Variants in CCDC73 observed in about 807,000 individuals in gnomAD.
CCDC73 encodes the protein coiled-coil domain containing 73, also known as coiled-coil domain-containing protein 73.
In CCDC73, 95 loss-of-function variants were observed where a neutral mutation model predicts 116.5. The observed-to-expected ratio is 0.82, with a 90% CI of 0.69 to 0.97. The LOEUF (loss-of-function observed/expected upper bound fraction) is 0.97, where lower values mean the gene tolerates loss of function less well. CCDC73 is among the 50% of genes least tolerant of loss of function. The pLI is 0.00. For synonymous variants in CCDC73, 398 were observed against 401.3 expected, an observed-to-expected ratio of 0.99 and a Z score of 0.10; for missense variants, 1,066 against 1,206.8, an observed-to-expected ratio of 0.88 and a Z score of 1.73.
intron 1 of CCDC73, among the ~76,000 whole-genome samples, chr11:32,766,799 C>T (rs558368206): frequency 1.6e-4 from 25 of 152,250 alleles, no homozygotes; most frequent in Admixed American, 1.1e-3. Flanking sequence ...AACTACAAAC[C>T]ACTGCTCAAT....
intron 14 of CCDC73, among the ~76,000 whole-genome samples, chr11:32,625,258 T>G (rs1268298449): frequency 6.6e-6 from 1 of 152,224 alleles, no homozygotes; most frequent in Non-Finnish European, 1.5e-5. Context: ...GTCTTTTAAT[T>G]GGAGTATTTA....
At chr11:32,659,594 T>C (rs1262656817) in intron 9 of CCDC73, among the ~76,000 whole-genome samples, 12 of 152,328 alleles carry the variant, frequency 7.9e-5, no homozygotes, top group Middle Eastern at 3.4e-3. Context: ...AATCATTTTA[T>C]GTTTTAAACA....
intron 3 of CCDC73, among the ~76,000 whole-genome samples, chr11:32,716,834 A>T (rs1849950548): frequency 6.6e-6 from 1 of 152,254 alleles, no homozygotes; most frequent in African/African-American, 2.4e-5. Context: ...AAGTGCTGGG[A>T]TTACAGGCGT....
the CCDC73 span, among the ~76,000 whole-genome samples, chr11:32,826,653 AAAAAAAC>A: frequency 1.1e-4 from 14 of 132,672 alleles, no homozygotes; most frequent in East Asian, 2.0e-4. Flanking sequence ...ACTCAAAAAA[AAAAAAAC>A]AAAAAAAAAA....
chr11:32,785,385 C>A (rs114322944), intron 1 of CCDC73, among the ~76,000 whole-genome samples: 2,061 of 152,016 alleles, frequency 0.014, 55 homozygotes, highest in African/African-American at 0.047. Context: ...GAGAAATGCA[C>A]CAGTTTTTCT....
intron 9 of CCDC73, among the ~76,000 whole-genome samples, chr11:32,662,995 T>C (rs1437823636): frequency 2.0e-5 from 3 of 152,136 alleles, no homozygotes; most frequent in South Asian, 4.1e-4. Context: ...ATCAGATGGT[T>C]GTAGATGTGT....
intron 12 of CCDC73, among the ~76,000 whole-genome samples, chr11:32,651,389 G>A (rs561211725): frequency 3.9e-5 from 6 of 152,212 alleles, no homozygotes; most frequent in Non-Finnish European, 8.8e-5. Flanking sequence ...CACAACCTAG[G>A]CCCTCCCTGC....
intron 6 of CCDC73, among the ~76,000 whole-genome samples, chr11:32,685,576 G>T (rs1404969024): frequency 7.2e-5 from 11 of 152,132 alleles, no homozygotes; most frequent in Admixed American, 6.5e-4. Flanking sequence ...AAGAAGAGCA[G>T]TTCAGAGAGG....
At chr11:32,780,379 T>A (rs1254209358) in intron 1 of CCDC73, among the ~76,000 whole-genome samples, 1 of 151,750 alleles carries the variant, frequency 6.6e-6, no homozygotes, top group African/African-American at 2.4e-5. Flanking sequence ...AGAAAAAAAA[T>A]TGTAAAAGAG....
At chr11:32,742,616 C>T (rs1365752921) in intron 2 of CCDC73, among the ~76,000 whole-genome samples, 2 of 152,190 alleles carry the variant, frequency 1.3e-5, no homozygotes, top group East Asian at 1.9e-4. Flanking sequence ...TGCCTGTTCA[C>T]TCTGATGATA....
intron 9 of CCDC73, among the ~76,000 whole-genome samples, chr11:32,657,055 C>T (rs1054367416): frequency 1.1e-4 from 16 of 151,968 alleles, no homozygotes; most frequent in Admixed American, 8.5e-4. Flanking sequence ...TGACTCAATC[C>T]TAAGAAAAAT....
At chr11:32,615,369 T>C in intron 15 of CCDC73, among the ~76,000 whole-genome samples, 1 of 152,154 alleles carries the variant, frequency 6.6e-6, no homozygotes, top group Non-Finnish European at 1.5e-5. Context: ...CAGCAGTATC[T>C]AGAAATTGCT....
At chr11:32,721,277 G>A (rs981216874) in intron 2 of CCDC73, among the ~76,000 whole-genome samples, 4 of 152,000 alleles carry the variant, frequency 2.6e-5, no homozygotes, top group Non-Finnish European at 4.4e-5. Context: ...TGCCTGCCTC[G>A]GCCTCCCAAA....
the CCDC73 span, among the ~76,000 whole-genome samples, chr11:32,816,742 A>G: frequency 0.57 from 86,371 of 151,996 alleles, 24,890 homozygotes; most frequent in South Asian, 0.67. Flanking sequence ...AATCTTTAGT[A>G]CATTCAACAT....
chr11:32,615,739 A>G (rs1381192372), intron 15 of CCDC73: 4 of 433,576 alleles, frequency 9.2e-6, no homozygotes, highest in Non-Finnish European at 8.1e-6. Context: ...CTGAATTAAG[A>G]AAAATGCCCT....
intron 7 of CCDC73, chr11:32,681,450 G>T (rs1856143029): frequency 6.6e-6 from 1 of 151,900 alleles, no homozygotes; most frequent in Admixed American, 6.6e-5. Context: ...TACTTTTAGG[G>T]ATGGAAAAAT....
chr11:32,679,435 C>T (rs961968082), intron 7 of CCDC73, among the ~76,000 whole-genome samples: 21 of 152,124 alleles, frequency 1.4e-4, no homozygotes, highest in Admixed American at 9.8e-4. Context: ...ACGATCTCGG[C>T]TCACTGCAAC....
At chr11:32,726,728 C>A (rs1332473020) in intron 2 of CCDC73, among the ~76,000 whole-genome samples, 1 of 151,882 alleles carries the variant, frequency 6.6e-6, no homozygotes, top group Admixed American at 6.6e-5. Flanking sequence ...TAAGTGACTG[C>A]AATTATATGG....
intron 1 of CCDC73, among the ~76,000 whole-genome samples, chr11:32,769,027 C>A (rs1850469948): frequency 6.6e-6 from 1 of 152,054 alleles, no homozygotes; most frequent in African/African-American, 2.4e-5. Flanking sequence ...CACAACATAC[C>A]AGGTCAGTCA....
Sources: allele counts gnomAD v4.1 joint callset (sites outside exome capture counted in the v4.1 genomes callset), GRCh38; gene constraint gnomAD v4.1.1; transcripts MANE v1.5; gene names NCBI Gene and HGNC (gene_info 2026-07-23, HGNC 2026-07-21).